The following CCNL2 variants were observed in gnomAD, a reference collection of about 807,000 sequenced individuals.
CCNL2 encodes cyclin-L2.
CCNL2 carries 28 observed loss-of-function variants against 59.1 expected under a neutral mutation model. That is an observed-to-expected ratio of 0.47 (90% CI 0.35 to 0.65). The LOEUF is 0.65. CCNL2 is among the 30% of genes least tolerant of loss of function. The pLI, the probability that CCNL2 is intolerant of heterozygous loss-of-function variation, is 0.00. For synonymous variants in CCNL2, 342 were observed against 288.6 expected, an observed-to-expected ratio of 1.19 and a Z score of -1.88; for missense variants, 714 against 717.4, an observed-to-expected ratio of 1.00 and a Z score of 0.05.
In CCNL2 at chr1:1,387,416, T is replaced by C; in HGVS notation, c.1378A>G (p.Lys460Glu). ...KDCKYPQKPH[K>E]SRSRSSSRSR... ...CGGGAAGAACTCCGGCTCCGAGACTTGTGTGGCTTCTGGGGGTACTTGCAG... is the reference window on the plus strand; with the variant it reads ...CGGGAAGAACTCCGGCTCCGAGACTCGTGTGGCTTCTGGGGGTACTTGCAG... The change falls in exon 11 of 11, where the codon AAG becomes GAG. Residue 460 changes from lysine to glutamate, a missense_variant. Lys to Glu is a moderately conservative substitution (Grantham distance 56). Around this residue, in one of 5 missense-constraint regions of CCNL2, gnomAD observed 403 missense variants for 377.7 expected, o/e 1.07. Coordinates refer to ENST00000400809, the MANE Select transcript of CCNL2 (RefSeq NM_030937.6). 3 of 1,613,768 alleles carry C rather than the reference T, an allele frequency of 1.9e-6. No homozygotes were observed. The highest frequency in any genetic ancestry group is 2.5e-6 in the Non-Finnish European group (3 of 1,179,950).
chr1:1,392,961 T>C (rs2100310766), intron 5 of CCNL2: 2 of 747,892 alleles, frequency 2.7e-6, no homozygotes, highest in Non-Finnish European at 4.5e-6. Context: ...AAATACTACA[T>C]TGCACTTTAG....
chr1:1,396,983 G>A (rs1418892763), intron 3 of CCNL2, among the ~76,000 whole-genome samples: 2 of 151,196 alleles, frequency 1.3e-5, no homozygotes, highest in Non-Finnish European at 3.0e-5. Context: ...TCCTGACCTC[G>A]TGATCCACCC....
rs967275822 is a variant in CCNL2, at chr1:1,387,187, T to G, written c.*44A>C. The G allele has an allele frequency of 6.6e-7, 1 of 1,519,950 alleles. No homozygotes were observed. The highest frequency in any genetic ancestry group is 1.4e-5 in the African/African-American group (1 of 73,364). 94.2% of individuals were successfully genotyped at this position (1,519,950 alleles called of 1,614,324 possible). ...GGGTCAAAGGGCAGCCATCAGGTAC[T>G]CCCCAGGGAAGGGCTTGCGGCCACC... On this transcript the variant is annotated 3_prime_UTR_variant, in exon 11 of 11. Transcript: ENST00000400809.
At chr1:1,392,271 CAA>C (rs1191192009) in intron 5 of CCNL2, 1 of 937,914 alleles carries the variant, frequency 1.1e-6, no homozygotes, top group Non-Finnish European at 1.3e-6. Flanking sequence ...TTCTTAAAAA[CAA>C]ATGAAATCTT....
At chr1:1,391,163 T>C in intron 5 of CCNL2, 1 of 1,171,412 alleles carries the variant, frequency 8.5e-7, no homozygotes, top group South Asian at 2.6e-5. Context: ...AACTTTACTT[T>C]TCCCCTCAAC....
At chr1:1,396,999 G>A (rs1175794188) in intron 3 of CCNL2, among the ~76,000 whole-genome samples, 3 of 151,950 alleles carry the variant, frequency 2.0e-5, no homozygotes, top group East Asian at 1.9e-4. Context: ...CACCCGCCTC[G>A]GCCTCCCAAA....
In CCNL2 at chr1:1,385,753, T is replaced by C. The variant is rs946375337; in HGVS notation, c.*1478A>G. On this transcript the variant is annotated 3_prime_UTR_variant, in exon 11 of 11. Transcript: ENST00000400809. ...TTATGTCATAATAATATTTTACAAT[T>C]ATTTAGTAAAAAAAGAAAGCAAATG... 9 of 152,232 alleles carry C rather than the reference T, an allele frequency of 5.9e-5. No homozygotes were observed. The highest frequency in any genetic ancestry group is 1.0e-4 in the Non-Finnish European group (7 of 68,048). 9.4% of individuals were successfully genotyped at this position (152,232 alleles called of 1,614,324 possible).
At chr1:1,393,565 G>A (rs975025297) in intron 4 of CCNL2, 105 bp from the exon 5 acceptor site, 1 of 994,426 alleles carries the variant, frequency 1.0e-6, no homozygotes, top group Admixed American at 1.8e-5. Flanking sequence ...CTAGATCCCA[G>A]GAGTGGCTCC....
chr1:1,391,859 C>T (rs1046127563), intron 5 of CCNL2: 3 of 287,192 alleles, frequency 1.0e-5, no homozygotes, highest in South Asian at 8.9e-5. Context: ...TCCATGAGGA[C>T]AGTTGAACTG....
rs998788746 is a variant in CCNL2, at chr1:1,399,280, A to C, written c.27T>G (p.Gly9=). The change falls in exon 1 of 11, where the codon GGT becomes GGG. Residue 9 remains glycine, a synonymous_variant. Coordinates refer to ENST00000400809, the MANE Select transcript of CCNL2 (RefSeq NM_030937.6). MAAAAAAA[G]AAGSAAPAAA... is the part of the protein sequence containing the mutation. ...CCGCGGGAGCTGCCGACCCTGCAGCACCAGCCGCCGCCGCCGCCGCCGCCA... is the reference window on the plus strand; with the variant it reads ...CCGCGGGAGCTGCCGACCCTGCAGCCCCAGCCGCCGCCGCCGCCGCCGCCA... 1 of 1,480,488 alleles carries C rather than the reference A, an allele frequency of 6.8e-7. No individual in the cohort carries two copies. Among genetic ancestry groups the C allele is most frequent in the Non-Finnish European group, 8.9e-7 (1 of 1,122,122 alleles). 91.7% of individuals were successfully genotyped at this position (1,480,488 alleles called of 1,614,324 possible).
chr1:1,393,006 C>A, intron 5 of CCNL2: 1 of 627,634 alleles, frequency 1.6e-6, no homozygotes. Flanking sequence ...CTAAAATCGG[C>A]CCCAGAACCT....
chr1:1,395,350 G>A, intron 4 of CCNL2, 44 bp downstream of exon 4: 1 of 1,607,732 alleles, frequency 6.2e-7, no homozygotes, highest in South Asian at 1.1e-5. Context: ...CCAGGCAGGA[G>A]CAGCGGCCTA....
Position 1,398,730 on chromosome 1 carries a change from A to T in CCNL2, c.289-59T>A, listed in dbSNP as rs942328225. On this transcript the variant is annotated intron_variant, in intron 1 of 10. Coordinates refer to ENST00000400809, the MANE Select transcript of CCNL2 (RefSeq NM_030937.6). ...GCACCATTCAAAGCCTTCGCGGCCG[A>T]AAGTCATCGAGTAACGTGGGACTCC... 6.0e-6 allele frequency: 9 copies of T among 1,492,640 alleles called. No individual in the cohort carries two copies. The African/African-American group carries it at 1.2e-4, about 21-fold the overall frequency. The allele number at this position is 1,492,640 out of a possible 1,614,324, so 92.5% of individuals were successfully genotyped here.
rs772964387 is a variant in CCNL2 at position 1,399,147 on chromosome 1, G to C, written c.160C>G (p.Leu54Val). 6.2e-7 allele frequency: 1 copy of C among 1,612,318 alleles called. No homozygotes were observed. Among genetic ancestry groups the C allele is most frequent in the Non-Finnish European group, 8.5e-7 (1 of 1,179,548 alleles). Residue 54 changes from leucine (L) to valine (V), a missense_variant, in exon 1 of 11, where the codon CTG (leucine) becomes GTG (valine). Transcript: ENST00000400809. ...GTGAAACGGAGCTTGTCGTCAGGCA[G>C]GAGGCAGTTCTCCAAGGTGATGAGC... ...GVLITLENCL[L>V]PDDKLRFTPS...
intron 5 of CCNL2, chr1:1,392,312 G>C (rs1644803542): frequency 2.0e-6 from 2 of 982,116 alleles, no homozygotes; most frequent in African/African-American, 1.7e-5. Context: ...TGCTGTATTT[G>C]AAGTGATACA....
rs754426675 is a variant in CCNL2, at chr1:1,399,028, G to C, written c.279C>G (p.Arg93=). The part of the protein sequence containing the change: ...ELIQAAGILL[R]LPQVAMATGQ... Reference sequence around the variant, plus strand: ...GCGGCCGCGCCCTCACCTGCGGCAGGCGGAGCAGGATACCGGCCGCCTGGA... The same window carrying C: ...GCGGCCGCGCCCTCACCTGCGGCAGCCGGAGCAGGATACCGGCCGCCTGGA... The change falls in exon 1 of 11, where the codon CGC becomes CGG. Residue 93 remains arginine (R), a synonymous_variant. Coordinates refer to ENST00000400809, the MANE Select transcript of CCNL2 (RefSeq NM_030937.6). The C allele has an allele frequency of 4.2e-5, 66 of 1,578,150 alleles. No homozygotes were observed. The highest frequency in any genetic ancestry group is 5.6e-5 in the Non-Finnish European group (65 of 1,166,876).
chr1:1,391,101 A>G, intron 5 of CCNL2: 1 of 1,223,148 alleles, frequency 8.2e-7, no homozygotes, highest in Non-Finnish European at 1.0e-6. Context: ...GAAAAAAAAA[A>G]AGCTGGCTGA....
intron 3 of CCNL2, among the ~76,000 whole-genome samples, chr1:1,397,088 G>A (rs1645076873): frequency 6.6e-6 from 1 of 152,124 alleles, no homozygotes; most frequent in Non-Finnish European, 1.5e-5. Flanking sequence ...CACCATATTG[G>A]TTAGGCTGGT....
intron 5 of CCNL2, 153 bp from the exon 6 acceptor site, chr1:1,391,018 G>A: frequency 2.3e-6 from 2 of 863,118 alleles, no homozygotes; most frequent in South Asian, 4.3e-5. Flanking sequence ...AATCTCAAGA[G>A]TTAATGGAGA....
Sources: gnomAD v4.1 joint callset for allele counts (sites outside exome capture counted in the v4.1 genomes callset) on GRCh38, gnomAD v4.1.1 for gene constraint, gnomAD v4.1.1 regional missense constraint, MANE v1.5 for transcripts, NCBI Gene and HGNC (gene_info 2026-07-23, HGNC 2026-07-21) for gene names.